The following SETD2 variants were observed in gnomAD, a reference collection of about 807,000 sequenced individuals.
SETD2 encodes the protein histone-lysine N-methyltransferase SETD2.
A neutral mutation model predicts 242.1 loss-of-function variants in SETD2; 31 were observed. That is an observed-to-expected ratio of 0.13 (90% CI 0.10 to 0.17). The LOEUF (loss-of-function observed/expected upper bound fraction) is 0.17. Ranked by LOEUF, SETD2 falls within the 10% of genes least tolerant of loss-of-function variation. The probability of loss-of-function intolerance (pLI) is 1.00; values close to 1 mark genes in which losing one functional copy is unlikely to be tolerated. For missense variants in SETD2, 2,481 were observed against 3,046.3 expected (o/e 0.81, Z 4.37); for synonymous variants, 1,006 against 1,066.5 (o/e 0.94, Z 1.11).
chr3:47,163,203 C>G (rs981902841), intron 1 of SETD2, among the ~76,000 whole-genome samples: 1 of 152,230 alleles, frequency 6.6e-6, no homozygotes, highest in Non-Finnish European at 1.5e-5. Flanking sequence ...CTCGCCATTA[C>G]AAAACCCAAG....
rs2107739695 is a variant in SETD2, at chr3:47,120,266, G to A, written c.4370C>T (p.Pro1457Leu). ...PSCVMDDFRD[P>L]QRWKECAKQG... is the part of the protein sequence containing the mutation. ...CTTGGCACATTCCTTCCATCGCTGT[G>A]GGTCCCTGAAGTCATCCATGACACA... is the stretch of plus-strand genomic sequence containing the variant. Residue 1457 changes from proline to leucine, a missense_variant, in exon 3 of 21, where the codon CCA becomes CTA. Physicochemically the swap from Pro to Leu is moderately conservative, Grantham distance 98 (BLOSUM62 -3). Around this residue, in one of 17 missense-constraint regions of SETD2, gnomAD observed 48 missense variants for 76.6 expected, o/e 0.63. Coordinates refer to ENST00000409792, the MANE Select transcript of SETD2 (RefSeq NM_014159.7). 6.2e-7 allele frequency: 1 copy of A among 1,609,044 alleles called. No individual in the cohort carries two copies. Among genetic ancestry groups the A allele is most frequent in the Non-Finnish European group, 8.5e-7 (1 of 1,178,154 alleles).
At chr3:47,022,468 A>C (rs1200315024) in intron 18 of SETD2, among the ~76,000 whole-genome samples, 2 of 152,158 alleles carry the variant, frequency 1.3e-5, no homozygotes, top group Admixed American at 6.5e-5. Context: ...ATGCTACTGC[A>C]CTCCAGCCTG....
chr3:47,123,960 G>C lies in SETD2; in HGVS notation c.676C>G (p.Pro226Ala), dbSNP rs780963440. The change falls in exon 3 of 21, where the codon CCA becomes GCA. Residue 226 changes from proline (P) to alanine (A), a missense_variant. Physicochemically the swap from Pro to Ala is conservative, Grantham distance 27 (BLOSUM62 -1). Coordinates refer to ENST00000409792, the MANE Select transcript of SETD2 (RefSeq NM_014159.7). ...GCTACATCTACTGGTAAGGGTACTG[G>C]TGCTGCCATTAGAACTGTTATTGGT... ...HTPITVLMAA[P>A]VPLPVDVAVR... 2.8e-5 allele frequency: 44 copies of C among 1,550,622 alleles called. No individual in the cohort carries two copies. The highest frequency in any genetic ancestry group is 3.7e-5 in the Non-Finnish European group (42 of 1,145,758).
chr3:47,031,165 A>G (rs943342700), intron 18 of SETD2, among the ~76,000 whole-genome samples: 2 of 152,236 alleles, frequency 1.3e-5, no homozygotes, highest in Admixed American at 1.3e-4. Context: ...TCTGTACGTT[A>G]CTATGATGCT....
intron 18 of SETD2, among the ~76,000 whole-genome samples, chr3:47,034,818 G>A (rs979821729): frequency 9.9e-5 from 15 of 152,190 alleles, no homozygotes; most frequent in Non-Finnish European, 2.2e-4. Flanking sequence ...CCCCAGGTCT[G>A]GGCATGGCAT....
chr3:47,161,898 G>A (rs1285990643), intron 1 of SETD2, among the ~76,000 whole-genome samples: 7 of 150,332 alleles, frequency 4.7e-5, no homozygotes, highest in Non-Finnish European at 1.0e-4. Context: ...GTGACAGAGT[G>A]GGACCCTGCC....
At chr3:47,050,749 G>A (rs1406015636) in intron 15 of SETD2, among the ~76,000 whole-genome samples, 1 of 4,562 alleles carries the variant, frequency 2.2e-4, no homozygotes. Flanking sequence ...TTTTTTTTTT[G>A]AGACAGAGTC....
intron 1 of SETD2, among the ~76,000 whole-genome samples, chr3:47,143,410 A>G (rs1456404775): frequency 6.6e-6 from 1 of 152,228 alleles, no homozygotes; most frequent in African/African-American, 2.4e-5. Flanking sequence ...TCCACTTTCC[A>G]CCTATCTGTA....
At chr3:47,126,529 T>C (rs1391461655) in intron 2 of SETD2, 119 bp downstream of exon 2, 3 of 562,034 alleles carry the variant, frequency 5.3e-6, no homozygotes, top group Non-Finnish European at 9.4e-6. Flanking sequence ...AAACTATTAC[T>C]TCATTTCACA....
rs1559726485 is a variant in SETD2 at position 47,106,526 on chromosome 3, A to AAAAAAAAAAAC, written c.4716-407_4716-406insGTTTTTTTTTT. On this transcript the variant is annotated intron_variant, in intron 5 of 20. Coordinates refer to ENST00000409792, the MANE Select transcript of SETD2 (RefSeq NM_014159.7). The stretch of plus-strand genomic sequence containing the variant: ...AAAAAAAAAAAAAAAAAAAAAAAAA[A>AAAAAAAAAAAC]GGCAGCCGGGCGCAGAGGCTCATGC... Among the ~76,000 whole-genome samples, 2 of 133,262 alleles carry AAAAAAAAAAAC rather than the reference A, an allele frequency of 1.5e-5. 1 individual carries two copies. The highest frequency in any genetic ancestry group is 5.4e-5 in the African/African-American group (2 of 36,910). The allele number at this position is 133,262 out of a possible 152,430, so 87.4% of individuals were successfully genotyped here. A position where few individuals can be genotyped will look rare whatever the true frequency, so the allele number is the denominator to read the frequency against.
chr3:47,126,502 T>G (rs903479833), intron 2 of SETD2, 146 bp downstream of exon 2: 14 of 486,906 alleles, frequency 2.9e-5, no homozygotes, highest in African/African-American at 2.7e-4. Flanking sequence ...TTACCATGGC[T>G]CTAAAAACAA....
chr3:47,058,871 T>C (rs550928764), intron 14 of SETD2, among the ~76,000 whole-genome samples: 3 of 151,944 alleles, frequency 2.0e-5, no homozygotes, highest in African/African-American at 7.2e-5. Context: ...CTCTGTTCAC[T>C]GCAAGCTCCA....
chr3:47,090,626 G>A (rs1352385594), intron 9 of SETD2, among the ~76,000 whole-genome samples: 3 of 152,024 alleles, frequency 2.0e-5, no homozygotes, highest in Non-Finnish European at 4.4e-5. Context: ...TCCTGATCTT[G>A]TGATCTGCCC....
In SETD2 at chr3:47,164,041, C is replaced by CGGCGGT; in HGVS notation, c.-118_-117insACCGCC. 1.0e-6 allele frequency: 1 copy of CGGCGGT among 971,244 alleles called. No individual in the cohort carries two copies. The highest frequency in any genetic ancestry group is 3.5e-5 in the East Asian group (1 of 28,746). 60.2% of individuals were successfully genotyped at this position (971,244 alleles called of 1,614,324 possible). On this transcript the variant is annotated 5_prime_UTR_variant, in exon 1 of 21. Transcript: ENST00000409792. This position sits in a 1 kb window ranked among gnomAD's most constrained non-coding sequence, Gnocchi z 5.4. ...GCGGCGGCGGCGGCGGCGGCGGCGG[C>CGGCGGT]GGCAGGGGCGGCCCGCGTCGCTACC...
chr3:47,107,035 CTTGA>C (rs1218938541), intron 5 of SETD2, among the ~76,000 whole-genome samples: 1 of 151,964 alleles, frequency 6.6e-6, no homozygotes, highest in Non-Finnish European at 1.5e-5. Flanking sequence ...ATGTTCTTTT[CTTGA>C]TTATTTACCT....
chr3:47,117,294 A>G (rs2042901101), intron 3 of SETD2, among the ~76,000 whole-genome samples: 1 of 151,778 alleles, frequency 6.6e-6, no homozygotes, highest in Non-Finnish European at 1.5e-5. Context: ...ACAAAAAAAA[A>G]AACATGAGAA....
At chr3:47,068,275 CAT>C (rs2040650362) in intron 12 of SETD2, among the ~76,000 whole-genome samples, 1 of 152,184 alleles carries the variant, frequency 6.6e-6, no homozygotes, top group Non-Finnish European at 1.5e-5. Flanking sequence ...TAATAAGCCA[CAT>C]GTCACACAAC....
chr3:47,163,977 C>T lies in SETD2; in HGVS notation c.-53G>A, dbSNP rs1697590184. On this transcript the variant is annotated 5_prime_UTR_variant, in exon 1 of 21. Transcript: ENST00000409792. ...GCCCCCTCCCCGCAGCAGGGCGACG[C>T]GGGGGAGGGGAGGGGAGGAGGCCGC... 4 of 1,256,494 alleles carry T rather than the reference C, an allele frequency of 3.2e-6. No homozygotes were observed. Among genetic ancestry groups the T allele is most frequent in the South Asian group, 3.7e-5 (1 of 27,122 alleles). 77.8% of individuals were successfully genotyped at this position (1,256,494 alleles called of 1,614,324 possible). A position where few individuals can be genotyped will look rare whatever the true frequency, so the allele number is the denominator to read the frequency against.
intron 18 of SETD2, among the ~76,000 whole-genome samples, chr3:47,029,889 C>T (rs181505360): frequency 9.8e-4 from 149 of 152,262 alleles, no homozygotes; most frequent in African/African-American, 3.4e-3. Context: ...GGCACGACGA[C>T]TCACACCTGT....
Sources: allele counts gnomAD v4.1 joint callset (sites outside exome capture counted in the v4.1 genomes callset), GRCh38; gene constraint gnomAD v4.1.1; regional missense constraint gnomAD v4.1.1; non-coding constraint Gnocchi (gnomAD v3.1); transcripts MANE v1.5; gene names NCBI Gene and HGNC (gene_info 2026-07-23, HGNC 2026-07-21).